KCNQ1: variants seen among roughly 807,000 people sequenced by gnomAD.
The protein encoded by KCNQ1 is potassium voltage-gated channel subfamily Q member 1, also known as potassium voltage-gated channel subfamily KQT member 1.
KCNQ1 carries 49 observed loss-of-function variants against 72.4 expected under a neutral mutation model. That is an observed-to-expected ratio of 0.68 (90% CI 0.54 to 0.86). The LOEUF is 0.86. Ranked by LOEUF, KCNQ1 falls within the 40% of genes least tolerant of loss-of-function variation. The pLI is 0.00. For missense variants in KCNQ1, 790 were observed against 945.1 expected, an observed-to-expected ratio of 0.84 and a Z score of 2.15; for synonymous variants, 450 against 412.6, an observed-to-expected ratio of 1.09 and a Z score of -1.10.
rs1052986266 is a variant in KCNQ1 at position 2,652,187 on chromosome 11, C to A, written c.1394-9774C>A. 5.0e-6 allele frequency: 2 copies of A among 398,530 alleles called. No individual in the cohort carries two copies. The highest frequency in any genetic ancestry group is 4.4e-5 in the Admixed American group (1 of 22,720). The allele number at this position is 398,530 out of a possible 1,614,324, so 24.7% of individuals were successfully genotyped here. On this transcript the variant is annotated intron_variant, in intron 10 of 15. Transcript: ENST00000155840. The surrounding 1 kb of genome is among the most constrained non-coding windows in gnomAD (Gnocchi z 5.9). ...CTGGGGGTGGGGCCCCAGCAGATGTCTGGATTTGGTAGCCAGGGCCTGGAG... is the reference window on the plus strand; with the variant it reads ...CTGGGGGTGGGGCCCCAGCAGATGTATGGATTTGGTAGCCAGGGCCTGGAG...
chr11:2,846,203 G>A (rs1263199944), intron 15 of KCNQ1, among the ~76,000 whole-genome samples: 1 of 152,220 alleles, frequency 6.6e-6, no homozygotes, highest in Non-Finnish European at 1.5e-5. Flanking sequence ...CGGCCAGGTG[G>A]ACCGGGCCAG....
chr11:2,523,180 CT>C (rs1240707042), intron 1 of KCNQ1, among the ~76,000 whole-genome samples: 1 of 151,262 alleles, frequency 6.6e-6, no homozygotes, highest in Non-Finnish European at 1.5e-5. Context: ...TCACTGCTTT[CT>C]TTTTTAATTT....
rs1847677919 is a variant in KCNQ1, at chr11:2,818,946, T to C, written c.1795-28821T>C. ...GTGGCACAAGAGGTTCATCCCACCC[T>C]CCAGCATTACCCAGCCCCACAGGAC... On this transcript the variant is annotated intron_variant, in intron 15 of 15. Transcript: ENST00000155840. The surrounding 1 kb of genome is among the most constrained non-coding windows in gnomAD (Gnocchi z 7.2). Among the ~76,000 whole-genome samples the C allele has an allele frequency of 6.6e-6, 1 of 151,900 alleles. No homozygotes were observed. Among genetic ancestry groups the C allele is most frequent in the Non-Finnish European group, 1.5e-5 (1 of 67,966 alleles).
rs1292455445 is a variant in KCNQ1, at chr11:2,617,460, C to CACGT, written c.1393+28607_1393+28608insCGTA. ...GTAGACATACACACCACAGTTTAGTCATCCATCAATGGACACGTAAGTTTT... is the reference window on the plus strand; with the variant it reads ...GTAGACATACACACCACAGTTTAGTCACGTATCCATCAATGGACACGTAAGTTTT... On this transcript the variant is annotated intron_variant, in intron 10 of 15. Coordinates refer to ENST00000155840, the MANE Select transcript of KCNQ1 (RefSeq NM_000218.3). This position sits in a 1 kb window ranked among gnomAD's most constrained non-coding sequence, Gnocchi z 4.6. The CACGT allele has an allele frequency of 2.5e-6, 1 of 398,306 alleles. No individual in the cohort carries two copies. Among genetic ancestry groups the CACGT allele is most frequent in the East Asian group, 3.6e-5 (1 of 28,078 alleles). The allele number at this position is 398,306 out of a possible 1,614,324, so 24.7% of individuals were successfully genotyped here. A position where few individuals can be genotyped will look rare whatever the true frequency, so the allele number is the denominator to read the frequency against.
intron 11 of KCNQ1, chr11:2,675,120 C>T (rs149794494): frequency 2.3e-5 from 9 of 398,528 alleles, no homozygotes; most frequent in African/African-American, 1.9e-4. Flanking sequence ...GGTGGGTTCA[C>T]TAGCCTCTTT....
chr11:2,619,570 T>G (rs552048589), intron 10 of KCNQ1: 1 of 398,594 alleles, frequency 2.5e-6, no homozygotes, highest in South Asian at 1.3e-4. Flanking sequence ...AGTCTGCCAA[T>G]ATTTTATTAA....
chr11:2,823,868 C>T (rs1366433434), intron 15 of KCNQ1, among the ~76,000 whole-genome samples: 2 of 152,102 alleles, frequency 1.3e-5, no homozygotes, highest in Non-Finnish European at 2.9e-5. Flanking sequence ...GTGGACAAAG[C>T]CGAGGGTGGG....
chr11:2,469,909 C>T (rs1036765518), intron 1 of KCNQ1, among the ~76,000 whole-genome samples: 2 of 152,158 alleles, frequency 1.3e-5, no homozygotes, highest in Non-Finnish European at 2.9e-5. Context: ...ATCCGCCCGC[C>T]TCAGCCTCCC....
intron 11 of KCNQ1, chr11:2,672,860 C>A: frequency 2.5e-6 from 1 of 398,766 alleles, no homozygotes; most frequent in South Asian, 1.3e-4. Flanking sequence ...TCTTGAGTGT[C>A]ATACCCTAGC....
Position 2,493,822 on chromosome 11 carries a change from G to A in KCNQ1, c.387-34106G>A, listed in dbSNP as rs2133631205. 6.6e-6 allele frequency among the ~76,000 whole-genome samples: 1 copy of A among 152,238 alleles called. No homozygotes were observed. The highest frequency in any genetic ancestry group is 1.9e-4 in the East Asian group (1 of 5,186). On this transcript the variant is annotated intron_variant, in intron 1 of 15. Transcript: ENST00000155840. The surrounding 1 kb of genome is among the most constrained non-coding windows in gnomAD (Gnocchi z 5.3). ...GTTCTTTTTACTTAGGATTGTCTTGGCTATATGGGCTCTTTTTTGGTTCCA... is the reference window on the plus strand; with the variant it reads ...GTTCTTTTTACTTAGGATTGTCTTGACTATATGGGCTCTTTTTTGGTTCCA...
Position 2,695,595 on chromosome 11 carries a change from T to C in KCNQ1, c.1514+33514T>C, listed in dbSNP as rs1850661815. The C allele has an allele frequency of 5.0e-6, 2 of 398,432 alleles. No individual in the cohort carries two copies. Among genetic ancestry groups the C allele is most frequent in the Non-Finnish European group, 4.4e-6 (1 of 226,078 alleles). 24.7% of individuals were successfully genotyped at this position (398,432 alleles called of 1,614,324 possible). ...ACACACAGCCTCTCGTTGTTCTGGGTGAGAACTGCTCCAGCATGTTTACTT... is the reference window on the plus strand; with the variant it reads ...ACACACAGCCTCTCGTTGTTCTGGGCGAGAACTGCTCCAGCATGTTTACTT... On this transcript the variant is annotated intron_variant, in intron 11 of 15. Transcript: ENST00000155840. This position sits in a 1 kb window ranked among gnomAD's most constrained non-coding sequence, Gnocchi z 5.2.
In KCNQ1 at chr11:2,446,010, G is replaced by A. The variant is rs527334405; in HGVS notation, c.386+526G>A. Among the ~76,000 whole-genome samples, 110 of 152,184 alleles carry A rather than the reference G, an allele frequency of 7.2e-4. No individual in the cohort carries two copies. Among genetic ancestry groups the A allele is most frequent in the Middle Eastern group, 3.4e-3 (1 of 294 alleles). On this transcript the variant is annotated intron_variant, in intron 1 of 15. Transcript: ENST00000155840. This position sits in a 1 kb window ranked among gnomAD's most constrained non-coding sequence, Gnocchi z 8.8. ...GCTCCCTGAGGGCTCAGCATGCCACGGGCCGTCCCCACGGGCCCCACATTA... is the reference window on the plus strand; with the variant it reads ...GCTCCCTGAGGGCTCAGCATGCCACAGGCCGTCCCCACGGGCCCCACATTA...
intron 11 of KCNQ1, chr11:2,694,091 G>C: frequency 2.5e-6 from 1 of 398,682 alleles, no homozygotes; most frequent in Non-Finnish European, 4.4e-6. Context: ...AAACCTCTGG[G>C]TGGCAGCCCA....
In KCNQ1 at chr11:2,748,207, G is replaced by A. The variant is rs1338584989; in HGVS notation, c.1515-20637G>A. ...GACCCCCAGCTCTGCAGTCAGCCCT[G>A]TCTCCTTGTGTCCCCAGACCTCGGG... On this transcript the variant is annotated intron_variant, in intron 11 of 15. Coordinates refer to ENST00000155840, the MANE Select transcript of KCNQ1 (RefSeq NM_000218.3). The surrounding 1 kb of genome is among the most constrained non-coding windows in gnomAD (Gnocchi z 6.2). Among the ~76,000 whole-genome samples the A allele has an allele frequency of 2.0e-5, 3 of 152,156 alleles. No homozygotes were observed. Among genetic ancestry groups the A allele is most frequent in the Admixed American group, 6.5e-5 (1 of 15,290 alleles).
chr11:2,526,098 C>T lies in KCNQ1; in HGVS notation c.387-1830C>T, dbSNP rs1259253499. On this transcript the variant is annotated intron_variant, in intron 1 of 15. Transcript: ENST00000155840. The surrounding 1 kb of genome is among the most constrained non-coding windows in gnomAD (Gnocchi z 6.1). ...GGCTGGGCAGCAGCAGGTGCACGGG[C>T]CCTGAGGTGGGCCGGGCTGGGCACA... Among the ~76,000 whole-genome samples the T allele has an allele frequency of 6.6e-6, 1 of 152,168 alleles. No homozygotes were observed. The highest frequency in any genetic ancestry group is 1.9e-4 in the East Asian group (1 of 5,190).
intron 1 of KCNQ1, among the ~76,000 whole-genome samples, chr11:2,490,071 C>G (rs961842529): frequency 6.6e-6 from 1 of 152,170 alleles, no homozygotes; most frequent in African/African-American, 2.4e-5. Flanking sequence ...AGCCTAGAAG[C>G]CTTCACCACA....
intron 10 of KCNQ1, chr11:2,614,502 T>G (rs1849029227): frequency 1.0e-5 from 4 of 398,382 alleles, no homozygotes; most frequent in Non-Finnish European, 1.8e-5. Flanking sequence ...ACTAAGAAAT[T>G]TATGCCTTTA....
At chr11:2,714,393 G>A (rs1157882072) in intron 11 of KCNQ1, among the ~76,000 whole-genome samples, 3 of 152,222 alleles carry the variant, frequency 2.0e-5, no homozygotes, top group Non-Finnish European at 4.4e-5. Flanking sequence ...GGGCTCCCGG[G>A]GTAGGGCTAA....
Position 2,698,485 on chromosome 11 carries a change from A to C in KCNQ1, c.1514+36404A>C. The C allele has an allele frequency of 2.5e-6, 1 of 398,470 alleles. No individual in the cohort carries two copies. The highest frequency in any genetic ancestry group is 4.4e-6 in the Non-Finnish European group (1 of 226,058). The allele number at this position is 398,470 out of a possible 1,614,324, so 24.7% of individuals were successfully genotyped here. On this transcript the variant is annotated intron_variant, in intron 11 of 15. Transcript: ENST00000155840. The surrounding 1 kb of genome is among the most constrained non-coding windows in gnomAD (Gnocchi z 5.1). ...CTCTCATCTCCAATATGACCAAGAG[A>C]CTTCTACCACTACCTCTCACCTGGC...
Sources: allele counts gnomAD v4.1 joint callset (sites outside exome capture counted in the v4.1 genomes callset), GRCh38; gene constraint gnomAD v4.1.1; non-coding constraint Gnocchi (gnomAD v3.1); transcripts MANE v1.5; gene names NCBI Gene and HGNC (gene_info 2026-07-23, HGNC 2026-07-21).